USP38: variants seen among roughly 807,000 people sequenced by gnomAD.
The protein encoded by USP38 is ubiquitin carboxyl-terminal hydrolase 38.
USP38 carries 49 observed loss-of-function variants against 94.3 expected under a neutral mutation model. The observed-to-expected ratio is 0.52, with a 90% CI of 0.41 to 0.66. The LOEUF is 0.66. Among genes scored for constraint, USP38 ranks in the 30% least tolerant of loss-of-function variants. The probability of loss-of-function intolerance (pLI) is 0.00; values close to 1 mark genes in which losing one functional copy is unlikely to be tolerated. For synonymous variants in USP38, 468 were observed against 463.6 expected, an observed-to-expected ratio of 1.01 and a Z score of -0.12; for missense variants, 1,128 against 1,229.4, an observed-to-expected ratio of 0.92 and a Z score of 1.23.
intron 1 of USP38, among the ~76,000 whole-genome samples, chr4:143,187,537 A>G (rs958052525): frequency 1.3e-5 from 2 of 152,218 alleles, no homozygotes; most frequent in Admixed American, 6.5e-5. Flanking sequence ...TAGCTCAACA[A>G]TAACTCGATA....
At chr4:143,186,856 A>T (rs1731241553) in intron 1 of USP38, among the ~76,000 whole-genome samples, 1 of 152,146 alleles carries the variant, frequency 6.6e-6, no homozygotes, top group African/African-American at 2.4e-5. Context: ...GTCTGAATAG[A>T]TTCAAAATCA....
At chr4:143,193,427 T>C (rs1322280903) in intron 2 of USP38, among the ~76,000 whole-genome samples, 4 of 152,238 alleles carry the variant, frequency 2.6e-5, no homozygotes, top group Admixed American at 1.3e-4. Context: ...ATACCCTCTG[T>C]ACACATATGC....
At position 143,209,097 on chromosome 4, in the gene USP38, TAA is replaced by T. The variant is rs538380182; in HGVS notation, c.1404-466_1404-465del. ...TATTTCATGAAGATTTGAAAGAATT[TAA>T]GTTTACTTATCTTATAAATTAATGG... is the stretch of plus-strand genomic sequence containing the variant. On this transcript the variant is annotated intron_variant, in intron 6 of 9. Coordinates refer to ENST00000307017, the MANE Select transcript of USP38 (RefSeq NM_032557.6). Among the ~76,000 whole-genome samples, 401 of 96,686 alleles carry T rather than the reference TAA, an allele frequency of 4.1e-3. 2 individuals are homozygous for T. Among genetic ancestry groups the T allele is most frequent in the African/African-American group, 0.014 (392 of 28,738 alleles). The allele number at this position is 96,686 out of a possible 152,430, so 63.4% of individuals were successfully genotyped here.
intron 6 of USP38, among the ~76,000 whole-genome samples, chr4:143,209,113 AT>A (rs1731954561): frequency 7.2e-6 from 1 of 138,646 alleles, no homozygotes; most frequent in Non-Finnish European, 1.6e-5. Flanking sequence ...TACTTATCTT[AT>A]AAATTAATGG....
chr4:143,188,223 G>A (rs578022612), intron 2 of USP38, among the ~76,000 whole-genome samples: 1 of 151,848 alleles, frequency 6.6e-6, no homozygotes, highest in Non-Finnish European at 1.5e-5. Flanking sequence ...ATGTTGATTG[G>A]ATTATCAGTA....
At chr4:143,213,273 T>C (rs1325014343) in intron 8 of USP38, among the ~76,000 whole-genome samples, 1 of 152,180 alleles carries the variant, frequency 6.6e-6, no homozygotes, top group African/African-American at 2.4e-5. Flanking sequence ...CCTGACTTTC[T>C]ATGAGATGTC....
At chr4:143,205,943 T>TA (rs1456219709) in intron 5 of USP38, 90 bp from the exon 6 acceptor site, 2 of 980,092 alleles carry the variant, frequency 2.0e-6, no homozygotes, top group East Asian at 5.8e-5. Flanking sequence ...AATGTCGGTG[T>TA]AAGAATCTTC....
At chr4:143,202,760 C>A (rs1377671937) in intron 4 of USP38, among the ~76,000 whole-genome samples, 1 of 151,822 alleles carries the variant, frequency 6.6e-6, no homozygotes, top group Non-Finnish European at 1.5e-5. Context: ...TATTTTTAGC[C>A]CCAGGTCTTT....
chr4:143,197,175 G>A (rs1194565540), intron 3 of USP38, among the ~76,000 whole-genome samples: 3 of 152,184 alleles, frequency 2.0e-5, no homozygotes, highest in Non-Finnish European at 4.4e-5. Context: ...AAGGCCTCAA[G>A]GCCTTTGCAA....
chr4:143,200,758 GA>G (rs780711385), intron 4 of USP38, among the ~76,000 whole-genome samples: 35 of 152,218 alleles, frequency 2.3e-4, no homozygotes, highest in Middle Eastern at 3.4e-3. Context: ...GCCAAATCAG[GA>G]AGGCGATCCC....
In USP38 at chr4:143,214,934, A is replaced by G. The variant is rs377315908; in HGVS notation, c.2958A>G (p.Leu986=). The G allele has an allele frequency of 1.7e-5, 27 of 1,610,776 alleles. No homozygotes were observed. In the African/African-American group the frequency reaches 2.4e-4, roughly 14 times the overall value. The change falls in exon 9 of 10, where the codon CTA becomes CTG. Residue 986 remains leucine, a synonymous_variant. Transcript: ENST00000307017. Reference sequence around the variant, plus strand: ...ATGCTATAACAAAAGACAATAAACTATATTTACAGGTAAGTTGGAAATACA... The same window carrying G: ...ATGCTATAACAAAAGACAATAAACTGTATTTACAGGTAAGTTGGAAATACA... ...LMDAITKDNK[L]YLQEQELNAR...
At chr4:143,187,738 A>G (rs1731269762) in intron 1 of USP38, 88 bp from the exon 2 acceptor site, 15 of 1,396,238 alleles carry the variant, frequency 1.1e-5, no homozygotes, top group Admixed American at 2.7e-5. Flanking sequence ...CTTTGCTGCA[A>G]TGACTTTTTT....
chr4:143,214,979 A>G (rs1338560578), intron 9 of USP38, 36 bp downstream of exon 9: 2 of 1,577,836 alleles, frequency 1.3e-6, no homozygotes, highest in Non-Finnish European at 1.7e-6. Context: ...TGTTGAAAAT[A>G]TTAAACAATT....
chr4:143,189,530 A>G (rs1731333319), intron 2 of USP38, among the ~76,000 whole-genome samples: 1 of 152,038 alleles, frequency 6.6e-6, no homozygotes, highest in African/African-American at 2.4e-5. Context: ...CTGTAACACA[A>G]ACTCTGGGGA....
At chr4:143,187,053 A>T (rs1731247343) in intron 1 of USP38, among the ~76,000 whole-genome samples, 1 of 152,232 alleles carries the variant, frequency 6.6e-6, no homozygotes, top group Non-Finnish European at 1.5e-5. Flanking sequence ...CGAAAGAATT[A>T]CAAACGATGT....
At chr4:143,207,814 T>A (rs1354193074) in intron 6 of USP38, among the ~76,000 whole-genome samples, 2 of 152,118 alleles carry the variant, frequency 1.3e-5, no homozygotes, top group Non-Finnish European at 2.9e-5. Context: ...ACCAAAGCAG[T>A]TATAACGGCA....
At chr4:143,206,506 A>T (rs1464659262) in intron 6 of USP38, among the ~76,000 whole-genome samples, 1 of 152,130 alleles carries the variant, frequency 6.6e-6, no homozygotes, top group African/African-American at 2.4e-5. Flanking sequence ...CCTGGCCGTC[A>T]TGGCAAAATC....
rs1731216394 is a variant in USP38, at chr4:143,186,137, G to A, written c.682+5G>A. ...TTGCAAGCATCTCTTCCACAGGTAA[G>A]GGTCATTATCTTTCAGAATATCTCA... is the stretch of plus-strand genomic sequence containing the variant. On this transcript the variant is annotated splice_donor_5th_base_variant and intron_variant, in intron 1 of 9. Coordinates refer to ENST00000307017, the MANE Select transcript of USP38 (RefSeq NM_032557.6). The A allele has an allele frequency of 6.2e-7, 1 of 1,612,566 alleles. No homozygotes were observed. Among genetic ancestry groups the A allele is most frequent in the Non-Finnish European group, 8.5e-7 (1 of 1,178,982 alleles).
intron 8 of USP38, among the ~76,000 whole-genome samples, chr4:143,212,890 A>T (rs4637346): frequency 0.59 from 90,332 of 152,004 alleles, 27,033 homozygotes; most frequent in East Asian, 0.82. Context: ...TTCATTTTTA[A>T]AATGTTACTA....
Sources: allele counts gnomAD v4.1 joint callset (sites outside exome capture counted in the v4.1 genomes callset), GRCh38; gene constraint gnomAD v4.1.1; transcripts MANE v1.5; gene names NCBI Gene and HGNC (gene_info 2026-07-23, HGNC 2026-07-21).